The following SIRT1 variants were observed in gnomAD, a reference collection of about 807,000 sequenced individuals.
SIRT1 encodes NAD-dependent protein deacetylase sirtuin-1.
A neutral mutation model predicts 67.9 loss-of-function variants in SIRT1; 24 were observed. That is an observed-to-expected ratio of 0.35 (90% CI 0.26 to 0.50). The LOEUF is 0.50. SIRT1 is among the 20% of genes least tolerant of loss of function. The pLI, the probability that SIRT1 is intolerant of heterozygous loss-of-function variation, is 0.98. For missense variants in SIRT1, 873 were observed against 937.2 expected (o/e 0.93, Z 0.89); for synonymous variants, 378 against 350.7 (o/e 1.08, Z -0.87).
intron 4 of SIRT1, among the ~76,000 whole-genome samples, chr10:67,895,822 A>G (rs1842649506): frequency 7.4e-6 from 1 of 134,874 alleles, no homozygotes; most frequent in Admixed American, 8.6e-5. Flanking sequence ...GCTCACTACA[A>G]CCTTCACCTC....
intron 4 of SIRT1, among the ~76,000 whole-genome samples, chr10:67,893,849 C>T (rs7081210): frequency 2.6e-4 from 39 of 152,164 alleles, no homozygotes; most frequent in African/African-American, 8.7e-4. Context: ...CGCGCCCTGC[C>T]GATGAACCTA....
chr10:67,885,071 C>T lies in SIRT1; in HGVS notation c.350C>T (p.Ala117Val). The change falls in exon 1 of 9, where the codon GCC becomes GTC. Residue 117 changes from alanine to valine, a missense_variant. Coordinates refer to ENST00000212015, the MANE Select transcript of SIRT1 (RefSeq NM_012238.5). ...GGCCCATCTCGGGAGCCACCGCTGG[C>T]CGACAACTTGTACGACGAAGACGAC... ...LQGPSREPPL[A>V]DNLYDEDDDD... 1 of 1,438,312 alleles carries T rather than the reference C, an allele frequency of 7.0e-7. No individual in the cohort carries two copies. The highest frequency in any genetic ancestry group is 1.4e-5 in the South Asian group (1 of 72,000). The allele number at this position is 1,438,312 out of a possible 1,614,324, so 89.1% of individuals were successfully genotyped here.
At chr10:67,906,399 T>A in intron 4 of SIRT1, 1 of 1,045,542 alleles carries the variant, frequency 9.6e-7, no homozygotes, top group Non-Finnish European at 1.3e-6. Context: ...TTTTTTTAAA[T>A]CACCCTACCT....
chr10:67,896,054 G>C (rs1842653076), intron 4 of SIRT1, among the ~76,000 whole-genome samples: 1 of 152,130 alleles, frequency 6.6e-6, no homozygotes, highest in Non-Finnish European at 1.5e-5. Context: ...ATTTCATTTA[G>C]ACTGGAAATT....
In SIRT1 at chr10:67,909,429, A is replaced by T. The variant is rs777885895; in HGVS notation, c.1344A>T (p.Val448=). Residue 448 remains valine (V), a synonymous_variant, in exon 7 of 9, where the codon GTA becomes GTT. Coordinates refer to ENST00000212015, the MANE Select transcript of SIRT1 (RefSeq NM_012238.5). The part of the protein sequence containing the change: ...VIGSSLKVRP[V]ALIPSSIPHE... ...GGTCTTCCCTCAAAGTAAGACCAGTAGCACTAATTCCAAGTAAGTTGGTGA... is the reference window on the plus strand; with the variant it reads ...GGTCTTCCCTCAAAGTAAGACCAGTTGCACTAATTCCAAGTAAGTTGGTGA... 6.2e-7 allele frequency: 1 copy of T among 1,605,494 alleles called. No homozygotes were observed.
At chr10:67,907,502 A>AAAAG (rs1247334454) in intron 5 of SIRT1, among the ~76,000 whole-genome samples, 3 of 148,506 alleles carry the variant, frequency 2.0e-5, no homozygotes, top group African/African-American at 7.4e-5. Context: ...AAAAAAAAAA[A>AAAAG]AAAAAAGAAA....
intron 4 of SIRT1, among the ~76,000 whole-genome samples, chr10:67,893,214 T>G (rs1039499811): frequency 1.3e-5 from 2 of 152,204 alleles, no homozygotes; most frequent in Non-Finnish European, 2.9e-5. Flanking sequence ...TGTGCCATGG[T>G]GGTTTGCTGC....
chr10:67,907,253 G>A (rs1842833231), intron 5 of SIRT1, among the ~76,000 whole-genome samples: 1 of 152,116 alleles, frequency 6.6e-6, no homozygotes, highest in Non-Finnish European at 1.5e-5. Context: ...CTAGCACTTT[G>A]GGAAGCCGAG....
At chr10:67,894,066 G>A (rs1011375955) in intron 4 of SIRT1, among the ~76,000 whole-genome samples, 2 of 152,116 alleles carry the variant, frequency 1.3e-5, no homozygotes, top group Non-Finnish European at 2.9e-5. Flanking sequence ...CTTGAACTCC[G>A]GAGTTTGAGA....
intron 4 of SIRT1, among the ~76,000 whole-genome samples, chr10:67,902,053 A>G (rs914581436): frequency 2.0e-5 from 3 of 152,200 alleles, no homozygotes; most frequent in African/African-American, 4.8e-5. Context: ...CAGTGGCGCT[A>G]TCTTGGCTCA....
At chr10:67,908,905 TAAATA>T (rs1169042041) in intron 6 of SIRT1, among the ~76,000 whole-genome samples, 1 of 152,042 alleles carries the variant, frequency 6.6e-6, no homozygotes, top group African/African-American at 2.4e-5. Flanking sequence ...CCATCTCAAA[TAAATA>T]AAATGGAATC....
chr10:67,909,288 T>C lies in SIRT1; in HGVS notation c.1203T>C (p.Asp401=). The change falls in exon 7 of 9, where the codon GAT becomes GAC. Residue 401 remains aspartate (D), a synonymous_variant. Transcript: ENST00000212015. ...CTCGATGTCCTAGGTGCCCAGCTGA[T>C]GAACCGCTTGCTATCATGAAACCAG... ...VVPRCPRCPA[D]EPLAIMKPEI... is the part of the protein sequence containing the mutation. 6.2e-7 allele frequency: 1 copy of C among 1,611,202 alleles called. No homozygotes were observed. Among genetic ancestry groups the C allele is most frequent in the South Asian group, 1.1e-5 (1 of 90,482 alleles).
At chr10:67,902,074 C>T (rs567543269) in intron 4 of SIRT1, among the ~76,000 whole-genome samples, 125 of 152,292 alleles carry the variant, frequency 8.2e-4, no homozygotes, top group Non-Finnish European at 1.5e-3. Flanking sequence ...CTGCAACCTC[C>T]GCCTCCCAGG....
At chr10:67,890,999 C>T (rs545254475) in intron 3 of SIRT1, among the ~76,000 whole-genome samples, 1 of 143,858 alleles carries the variant, frequency 7.0e-6, no homozygotes, top group South Asian at 2.2e-4. Flanking sequence ...CACTGCACTC[C>T]AGACTGGGCG....
At chr10:67,885,519 TC>T (rs1262380899) in intron 1 of SIRT1, 1 of 674,962 alleles carries the variant, frequency 1.5e-6, no homozygotes, top group Non-Finnish European at 1.9e-6. Context: ...TCATTGCTTT[TC>T]TCCTCTACCC....
chr10:67,898,037 A>T (rs866628283), intron 4 of SIRT1, among the ~76,000 whole-genome samples: 1 of 141,700 alleles, frequency 7.1e-6, no homozygotes, highest in African/African-American at 2.6e-5. Flanking sequence ...TTGGGAGGCC[A>T]CAGCGGGCGG....
Position 67,887,427 on chromosome 10 carries a change from G to A in SIRT1, c.441G>A (p.Leu147=), listed in dbSNP as rs769982076. Residue 147 remains leucine (L), a synonymous_variant, in exon 2 of 9, where the codon CTG becomes CTA. Coordinates refer to ENST00000212015, the MANE Select transcript of SIRT1 (RefSeq NM_012238.5). ...TGGTTTCTTTTGCAGATAACCTTCT[G>A]TTCGGTGATGAAATTATCACTAATG... is the stretch of plus-strand genomic sequence containing the variant. The part of the protein sequence containing the change: ...AAAIGYRDNL[L]FGDEIITNGF... 1.2e-6 allele frequency: 2 copies of A among 1,612,088 alleles called. No homozygotes were observed. Among genetic ancestry groups the A allele is most frequent in the African/African-American group, 1.3e-5 (1 of 74,860 alleles).
chr10:67,901,491 A>G (rs950169865), intron 4 of SIRT1, among the ~76,000 whole-genome samples: 3 of 152,176 alleles, frequency 2.0e-5, no homozygotes, highest in Non-Finnish European at 4.4e-5. Flanking sequence ...TTTCTGTAGT[A>G]AGGTAGGGCC....
chr10:67,885,522 C>T lies in SIRT1; in HGVS notation c.430+371C>T, dbSNP rs12571880. 0.016 allele frequency: 10,141 copies of T among 646,536 alleles called. 1,251 individuals carry two copies. In the East Asian group the frequency reaches 0.4, roughly 25 times the overall value. 40.0% of individuals were successfully genotyped at this position (646,536 alleles called of 1,614,324 possible). On this transcript the variant is annotated intron_variant, in intron 1 of 8. Transcript: ENST00000212015. ...TATTTTTTATTTTCATTGCTTTTCT[C>T]CTCTACCCCCCAGCACACTTAAGTC...
Sources: gnomAD v4.1 joint callset for allele counts (sites outside exome capture counted in the v4.1 genomes callset) on GRCh38, gnomAD v4.1.1 for gene constraint, MANE v1.5 for transcripts, NCBI Gene and HGNC (gene_info 2026-07-23, HGNC 2026-07-21) for gene names.